TRIP11: variants seen among roughly 807,000 people sequenced by gnomAD.
The protein encoded by TRIP11 is thyroid hormone receptor interactor 11.
TRIP11 carries 148 observed loss-of-function variants against 223.1 expected under a neutral mutation model. The ratio of observed to expected loss-of-function variants is 0.66; its 90% confidence interval spans 0.58 to 0.76. The LOEUF (loss-of-function observed/expected upper bound fraction) is 0.76, where lower values mean the gene tolerates loss of function less well. TRIP11 is among the 30% of genes least tolerant of loss of function. TRIP11 has a pLI of 0.00. For synonymous variants in TRIP11, 762 were observed against 772.6 expected, an observed-to-expected ratio of 0.99 and a Z score of 0.23; for missense variants, 2,043 against 2,222.0, an observed-to-expected ratio of 0.92 and a Z score of 1.62.
At position 92,025,508 on chromosome 14, in the gene TRIP11, T is replaced by TC. The variant is rs577391295; in HGVS notation, c.202-89_202-88insG. 1.6e-3 allele frequency: 1,358 copies of TC among 833,264 alleles called. 11 individuals are homozygous for TC. The highest frequency in any genetic ancestry group is 0.013 in the African/African-American group (743 of 55,104). 51.6% of individuals were successfully genotyped at this position (833,264 alleles called of 1,614,324 possible). On this transcript the variant is annotated intron_variant, in intron 2 of 20. Transcript: ENST00000267622. ...ACAGCATTATGAAAAACGTACTGCT[T>TC]TCCCCCCCCAAAAATGTCAAATATA... is the stretch of plus-strand genomic sequence containing the variant.
At chr14:92,021,353 C>T (rs2057111705) in intron 4 of TRIP11, among the ~76,000 whole-genome samples, 1 of 146,748 alleles carries the variant, frequency 6.8e-6, no homozygotes, top group South Asian at 2.1e-4. Flanking sequence ...CACGCTACTA[C>T]ACTCTAGCAT....
At chr14:91,985,923 T>C (rs1188121775) in intron 16 of TRIP11, among the ~76,000 whole-genome samples, 1 of 152,210 alleles carries the variant, frequency 6.6e-6, no homozygotes, top group East Asian at 1.9e-4. Context: ...AAAATTGCAT[T>C]TGTATTTAGA....
At chr14:91,977,660 C>CTCCTTT (rs369484715) in intron 16 of TRIP11, among the ~76,000 whole-genome samples, 1 of 150,342 alleles carries the variant, frequency 6.7e-6, no homozygotes, top group Admixed American at 6.6e-5. Flanking sequence ...CAGGACTGCC[C>CTCCTTT]TCACCTTTCA....
At position 91,966,003 on chromosome 14, in the gene TRIP11, A is replaced by T. The variant is rs573352110; in HGVS notation, c.*3670T>A. 9 of 165,566 alleles carry T rather than the reference A, an allele frequency of 5.4e-5. No individual in the cohort carries two copies. Among genetic ancestry groups the T allele is most frequent in the South Asian group, 4.0e-4 (2 of 4,950 alleles). The allele number at this position is 165,566 out of a possible 1,614,324, so 10.3% of individuals were successfully genotyped here. ...AAAAGTCAGCAGCTGTTTGCTAAAA[A>T]TTTTTTTTATTGTGACTGAAGACAT... On this transcript the variant is annotated 3_prime_UTR_variant, in exon 21 of 21. Coordinates refer to ENST00000267622, the MANE Select transcript of TRIP11 (RefSeq NM_004239.4).
At chr14:92,013,912 C>G (rs766113623) in intron 7 of TRIP11, among the ~76,000 whole-genome samples, 20 of 152,136 alleles carry the variant, frequency 1.3e-4, no homozygotes, top group Non-Finnish European at 2.5e-4. Flanking sequence ...TATAGGAGAT[C>G]GTTTCAAACA....
At chr14:92,016,286 T>A (rs1398793222) in intron 5 of TRIP11, among the ~76,000 whole-genome samples, 1 of 152,182 alleles carries the variant, frequency 6.6e-6, no homozygotes, top group Non-Finnish European at 1.5e-5. Flanking sequence ...ACTCCCAAAC[T>A]GTCAACCTGG....
chr14:92,015,860 TC>T lies in TRIP11; in HGVS notation c.658del (p.Glu220AsnfsTer2), dbSNP rs2057029931. The T allele has an allele frequency of 1.2e-6, 2 of 1,608,210 alleles. No homozygotes were observed. The highest frequency in any genetic ancestry group is 2.7e-5 in the African/African-American group (2 of 74,838). Reference sequence around the variant, plus strand: ...TTCCTGACTTCGGTTCTGTTTTAGTTCCTTAAAAAATAAAAACAAAGTTATT... The same window carrying T: ...TTCCTGACTTCGGTTCTGTTTTAGTTCTTAAAAAATAAAAACAAAGTTATT... ...EICKLQNIIKELKQNRSQEID... is the reference protein window; with the variant it reads ...EICKLQNIIKXLKQNRSQEID... On this transcript the variant is annotated frameshift_variant and splice_region_variant, in exon 6 of 21. Coordinates refer to ENST00000267622, the MANE Select transcript of TRIP11 (RefSeq NM_004239.4). LOFTEE classifies it high-confidence loss of function.
chr14:91,999,818 G>C (rs555841496), intron 12 of TRIP11, 150 bp downstream of exon 12: 21 of 1,034,178 alleles, frequency 2.0e-5, no homozygotes, highest in Non-Finnish European at 2.6e-5. Context: ...ATGCACCATG[G>C]GAGATTAAAA....
At chr14:91,982,408 T>G (rs1339196377) in intron 16 of TRIP11, among the ~76,000 whole-genome samples, 1 of 151,972 alleles carries the variant, frequency 6.6e-6, no homozygotes, top group Admixed American at 6.6e-5. Flanking sequence ...GAGCCACACA[T>G]TGGGTACATA....
intron 1 of TRIP11, among the ~76,000 whole-genome samples, chr14:92,034,234 G>A (rs1291112443): frequency 6.6e-6 from 1 of 152,126 alleles, no homozygotes; most frequent in Non-Finnish European, 1.5e-5. Context: ...GACCAGCCTG[G>A]CCAACAGGTA....
Position 92,037,611 on chromosome 14 carries a change from C to T in TRIP11, c.139+1936G>A, listed in dbSNP as rs367638572. Among the ~76,000 whole-genome samples the T allele has an allele frequency of 2.0e-5, 3 of 152,218 alleles. No homozygotes were observed. The highest frequency in any genetic ancestry group is 2.9e-5 in the Non-Finnish European group (2 of 68,044). On this transcript the variant is annotated intron_variant, in intron 1 of 20. Transcript: ENST00000267622. The surrounding 1 kb of genome is among the most constrained non-coding windows in gnomAD (Gnocchi z 4.2). ...ATTGAAGGTCGGGTGCGGTGGCTCA[C>T]GCCTGTAATCCCAGCACTCTGGGAG...
Position 92,011,750 on chromosome 14 carries a change from T to C in TRIP11, c.1227+5A>G. 6.2e-7 allele frequency: 1 copy of C among 1,610,958 alleles called. No homozygotes were observed. The highest frequency in any genetic ancestry group is 1.1e-5 in the South Asian group (1 of 90,994). On this transcript the variant is annotated splice_donor_5th_base_variant and intron_variant, in intron 8 of 20. Coordinates refer to ENST00000267622, the MANE Select transcript of TRIP11 (RefSeq NM_004239.4). ...TGCACATAACATTTGTCAAAATTAA[T>C]TTACCTGGTTTAAACTACTCAATCT...
At position 92,003,960 on chromosome 14, in the gene TRIP11, C is replaced by T; in HGVS notation, c.4016G>A (p.Ser1339Asn). Residue 1339 changes from serine (S) to asparagine (N), a missense_variant, in exon 11 of 21, where the codon AGT becomes AAT. Coordinates refer to ENST00000267622, the MANE Select transcript of TRIP11 (RefSeq NM_004239.4). ...CLRASKSEVL[S>N]ESSELLQQEL... ...TTGCTGAAGCAATTCAGAAGATTCA[C>T]TCAATACTTCAGACTTACTTGCTCT... The T allele has an allele frequency of 6.2e-7, 1 of 1,614,168 alleles. No homozygotes were observed. The highest frequency in any genetic ancestry group is 8.5e-7 in the Non-Finnish European group (1 of 1,180,032).
chr14:91,994,315 C>T (rs1018006773), intron 14 of TRIP11, among the ~76,000 whole-genome samples: 2 of 145,100 alleles, frequency 1.4e-5, no homozygotes, highest in Admixed American at 7.0e-5. Flanking sequence ...GGCTGGAGTG[C>T]AGTGGTGTCA....
chr14:91,971,935 T>C (rs2056405236), intron 20 of TRIP11, among the ~76,000 whole-genome samples: 1 of 152,214 alleles, frequency 6.6e-6, no homozygotes, highest in East Asian at 1.9e-4. Flanking sequence ...GTGATATGAG[T>C]ATATAACATA....
chr14:92,004,458 AT>A lies in TRIP11; in HGVS notation c.3517del (p.Ile1173Ter). 1 of 1,613,760 alleles carries A rather than the reference AT, an allele frequency of 6.2e-7. No homozygotes were observed. The highest frequency in any genetic ancestry group is 8.5e-7 in the Non-Finnish European group (1 of 1,180,016). On this transcript the variant is annotated frameshift_variant, in exon 11 of 21. Transcript: ENST00000267622. LOFTEE classifies it high-confidence loss of function. The part of the protein sequence containing the change: ...SRIIREKDIE[I>X]DALSQKCQTL... Reference sequence around the variant, plus strand: ...CTGACATTTCTGACTTAGTGCATCTATTTCGATGTCTTTTTCTCGAATGATA... The same window carrying A: ...CTGACATTTCTGACTTAGTGCATCTATTCGATGTCTTTTTCTCGAATGATA...
chr14:91,972,829 T>C lies in TRIP11; in HGVS notation c.5607A>G (p.Glu1869=), dbSNP rs764596712. 3.7e-6 allele frequency: 6 copies of C among 1,612,806 alleles called. No individual in the cohort carries two copies. In the Admixed American group the frequency reaches 8.3e-5, roughly 22 times the overall value. Residue 1869 remains glutamate, a synonymous_variant, in exon 20 of 21, where the codon GAA becomes GAG. Coordinates refer to ENST00000267622, the MANE Select transcript of TRIP11 (RefSeq NM_004239.4). ...SFSELFVKFL[E]TESHPSIPPP... ...GTGGAATGGATGGATGAGATTCTGT[T>C]TCTAGAAATTTAACAAAAAGTTCTG...
intron 17 of TRIP11, among the ~76,000 whole-genome samples, chr14:91,975,878 T>C (rs1014506609): frequency 6.6e-6 from 1 of 152,148 alleles, no homozygotes; most frequent in Non-Finnish European, 1.5e-5. Flanking sequence ...AGCTCTTCTA[T>C]ATGGTTTTAA....
chr14:92,039,051 TAATTA>T (rs1429951273), intron 1 of TRIP11, among the ~76,000 whole-genome samples: 5 of 152,014 alleles, frequency 3.3e-5, no homozygotes, highest in Non-Finnish European at 5.9e-5. Context: ...AAGTAAAAAA[TAATTA>T]AATAGAAAAA....
Sources: gnomAD v4.1 joint callset for allele counts (sites outside exome capture counted in the v4.1 genomes callset) on GRCh38, gnomAD v4.1.1 for gene constraint, Gnocchi (gnomAD v3.1) non-coding constraint, MANE v1.5 for transcripts, NCBI Gene and HGNC (gene_info 2026-07-23, HGNC 2026-07-21) for gene names.